The following MAGED1 variants were observed in gnomAD, a reference collection of about 807,000 sequenced individuals.
MAGED1 encodes MAGE family member D1.
In MAGED1, 3 loss-of-function variants were observed where a neutral mutation model predicts 54.1. The ratio of observed to expected loss-of-function variants is 0.06; its 90% CI spans 0.03 to 0.14. MAGED1 has a LOEUF of 0.14. MAGED1 is among the 10% of genes least tolerant of loss of function. MAGED1 has a pLI of 1.00. For missense variants in MAGED1, 485 were observed against 623.4 expected (o/e 0.78, Z 2.36); for synonymous variants, 217 against 227.3 (o/e 0.95, Z 0.41).
intron 1 of MAGED1, 21 bp downstream of exon 1, chrX:51,893,776 T>G (rs1928558830): frequency 1.8e-5 from 2 of 113,449 alleles, no homozygotes; most frequent in African/African-American, 3.3e-5. Context: ...GCCCCCAGAC[T>G]GGGCATCTGC....
intron 1 of MAGED1, among the ~76,000 whole-genome samples, chrX:51,878,591 A>C (rs1322032524): frequency 9.0e-6 from 1 of 111,440 alleles, no homozygotes; most frequent in Non-Finnish European, 1.9e-5. Context: ...TGGCACCAGA[A>C]ATCCAGCCAA....
In MAGED1 at chrX:51,868,836, A is replaced by G. The variant is rs527237784; in HGVS notation, c.-36-25433A>G. On this transcript the variant is annotated intron_variant, in intron 1 of 12. Coordinates refer to the MAGED1 transcript ENST00000375772. The stretch of plus-strand genomic sequence containing the variant: ...AAGGCTGGTGTATGTCTGTGTGTCT[A>G]TGTGTGCTGGGGAAAATGAGAAGTG... Among the ~76,000 whole-genome samples, 29 of 111,343 alleles carry G rather than the reference A, an allele frequency of 2.6e-4. No homozygotes were observed. In the South Asian group the frequency reaches 2.7e-3, roughly 10 times the overall value.
chrX:51,880,460 T>C (rs1928015613), intron 1 of MAGED1, among the ~76,000 whole-genome samples: 1 of 111,723 alleles, frequency 9.0e-6, no homozygotes, highest in South Asian at 3.7e-4. Context: ...TTTCCACCAC[T>C]CAGTAGAATG....
chrX:51,865,943 G>A (rs1466158142), intron 1 of MAGED1, among the ~76,000 whole-genome samples: 1 of 111,708 alleles, frequency 9.0e-6, no homozygotes, highest in Non-Finnish European at 1.9e-5. Flanking sequence ...CATGTAAGAT[G>A]TGCCTGCTTC....
chrX:51,898,155 TG>T lies in MAGED1; in HGVS notation c.1703del (p.Gly568ValfsTer5). On this transcript the variant is annotated frameshift_variant, in exon 8 of 13. Coordinates refer to ENST00000326587, the MANE Select transcript of MAGED1 (RefSeq NM_006986.4). LOFTEE classifies it high-confidence loss of function. ...TPKLGLLLVILGVIFMNGNRA... is the reference protein window; with the variant it reads ...TPKLGLLLVIXGVIFMNGNRA... ...AAGCTCGGTCTCCTCTTGGTGATTC[TG>T]GGTGTCATCTTCATGAATGGCAACC... is the stretch of plus-strand genomic sequence containing the variant. 8.3e-7 allele frequency: 1 copy of T among 1,211,747 alleles called. No individual in the cohort carries two copies.
chrX:51,882,231 C>A (rs1928081702), intron 1 of MAGED1, among the ~76,000 whole-genome samples: 1 of 111,709 alleles, frequency 9.0e-6, no homozygotes, highest in Non-Finnish European at 1.9e-5. Flanking sequence ...GTTTTAGCAA[C>A]TCAGAGAAGA....
intron 2 of MAGED1, chrX:51,894,739 A>G (rs1557363948): frequency 1.3e-5 from 15 of 1,149,454 alleles, no homozygotes; most frequent in Non-Finnish European, 1.6e-5. Flanking sequence ...CAACTCCGCG[A>G]TCCGCCTGCC....
chrX:51,872,244 G>A (rs1557361649), intron 1 of MAGED1, among the ~76,000 whole-genome samples: 1 of 111,928 alleles, frequency 8.9e-6, no homozygotes, highest in Non-Finnish European at 1.9e-5. Flanking sequence ...CACTCTGGTG[G>A]TAGTTTCTTT....
At chrX:51,859,576 A>AACTGT (rs1233183919) in intron 1 of MAGED1, among the ~76,000 whole-genome samples, 3 of 111,986 alleles carry the variant, frequency 2.7e-5, no homozygotes, top group African/African-American at 9.7e-5. Context: ...GGCCCCCCAA[A>AACTGT]ACTGTCTGCA....
upstream of MAGED1, among the ~76,000 whole-genome samples, chrX:51,891,480 G>T (rs1035681321): frequency 8.9e-6 from 1 of 112,955 alleles, no homozygotes; most frequent in African/African-American, 3.2e-5. Context: ...TAAGTGAATT[G>T]ATCACAGGAA....
intron 1 of MAGED1, among the ~76,000 whole-genome samples, chrX:51,828,068 A>C (rs1925921453): frequency 8.9e-6 from 1 of 112,044 alleles, no homozygotes; most frequent in South Asian, 3.8e-4. Flanking sequence ...GCTTGCTAAA[A>C]TTTTGATTGG....
rs375490359 is a variant in MAGED1 at position 51,898,079 on chromosome X, G to A, written c.1659-35G>A. On this transcript the variant is annotated intron_variant, in intron 7 of 12. Coordinates refer to ENST00000326587, the MANE Select transcript of MAGED1 (RefSeq NM_006986.4). ...CTGGTTGGGGTCTCTCATGCAAATG[G>A]CTACTGAAAATATATTCTTTCTATA... The A allele has an allele frequency of 2.6e-5, 30 of 1,155,968 alleles. No homozygotes were observed. The African/African-American group carries it at 5.0e-4, about 19-fold the overall frequency.
intron 1 of MAGED1, among the ~76,000 whole-genome samples, chrX:51,854,302 G>GT (rs1557360015): frequency 8.9e-6 from 1 of 111,989 alleles, no homozygotes; most frequent in East Asian, 2.8e-4. Context: ...TTCAACTGCA[G>GT]TATTTTCCTC....
chrX:51,839,912 CT>C (rs1280339216), intron 1 of MAGED1, among the ~76,000 whole-genome samples: 1 of 112,219 alleles, frequency 8.9e-6, no homozygotes, highest in Non-Finnish European at 1.9e-5. Context: ...GACAATGGTT[CT>C]CAAAATGTGG....
intron 1 of MAGED1, among the ~76,000 whole-genome samples, chrX:51,817,376 A>G (rs1254864966): frequency 8.9e-6 from 1 of 111,825 alleles, no homozygotes; most frequent in Admixed American, 9.4e-5. Flanking sequence ...CATAACGCTA[A>G]TGTTGTGGTC....
intron 2 of MAGED1, 108 bp from the exon 3 acceptor site, chrX:51,894,945 C>T (rs1928657854): frequency 5.5e-6 from 5 of 908,012 alleles, no homozygotes; most frequent in Non-Finnish European, 7.5e-6. Context: ...TTGCACCCAC[C>T]GCCCGCCTGC....
chrX:51,863,126 A>C (rs1927338569), intron 1 of MAGED1, among the ~76,000 whole-genome samples: 1 of 112,079 alleles, frequency 8.9e-6, no homozygotes, highest in Admixed American at 9.5e-5. Flanking sequence ...CTTCCCCCAC[A>C]CACTGGCTGA....
intron 1 of MAGED1, among the ~76,000 whole-genome samples, chrX:51,853,188 A>G (rs78767602): frequency 6.3e-5 from 7 of 111,820 alleles, no homozygotes; most frequent in African/African-American, 2.3e-4. Context: ...ATTAGGTTCA[A>G]TTATGGTCTG....
chrX:51,860,727 C>T (rs925049894), intron 1 of MAGED1, among the ~76,000 whole-genome samples: 9 of 109,443 alleles, frequency 8.2e-5, no homozygotes, highest in Non-Finnish European at 1.7e-4. Flanking sequence ...GAGATTGCCC[C>T]GGGAGAGGGT....
Sources: gnomAD v4.1 joint callset for allele counts (sites outside exome capture counted in the v4.1 genomes callset) on GRCh38, gnomAD v4.1.1 for gene constraint, MANE v1.5 for transcripts, NCBI Gene and HGNC (gene_info 2026-07-23, HGNC 2026-07-21) for gene names.